MYO6: variants seen among roughly 807,000 people sequenced by gnomAD.
The protein encoded by MYO6 is myosin VI, also known as unconventional myosin-VI.
MYO6 carries 74 observed loss-of-function variants against 178.7 expected under a neutral mutation model. The observed-to-expected ratio is 0.41, with a 90% CI of 0.34 to 0.50. The LOEUF is 0.50. Among genes scored for constraint, MYO6 ranks in the 20% least tolerant of loss-of-function variants. The pLI, the probability that MYO6 is intolerant of heterozygous loss-of-function variation, is 0.09. For missense variants in MYO6, 1,330 were observed against 1,547.4 expected (o/e 0.86, Z 2.36); for synonymous variants, 477 against 504.6 (o/e 0.95, Z 0.73).
chr6:75,830,026 G>A (rs1228032952), intron 4 of MYO6, among the ~76,000 whole-genome samples: 1 of 152,182 alleles, frequency 6.6e-6, no homozygotes, highest in African/African-American at 2.4e-5. Context: ...CATAAGTAGA[G>A]TCAACAGGAG....
intron 7 of MYO6, among the ~76,000 whole-genome samples, chr6:75,839,021 C>G (rs1773939859): frequency 6.6e-6 from 1 of 151,554 alleles, no homozygotes; most frequent in Non-Finnish European, 1.5e-5. Context: ...GTTAATATTT[C>G]TTTTAGTTTT....
intron 1 of MYO6, among the ~76,000 whole-genome samples, chr6:75,787,716 C>A (rs867857681): frequency 1.4e-4 from 7 of 51,658 alleles, no homozygotes; most frequent in South Asian, 6.5e-4. Flanking sequence ...CTCTCTCTCT[C>A]TCTCTCTCTC....
intron 30 of MYO6, among the ~76,000 whole-genome samples, chr6:75,901,766 A>G (rs942187016): frequency 2.6e-5 from 4 of 152,250 alleles, no homozygotes; most frequent in South Asian, 4.1e-4. Context: ...ACTATGTTGA[A>G]TAGGAGTGGT....
chr6:75,861,937 C>G (rs1375729322), intron 15 of MYO6, among the ~76,000 whole-genome samples: 1 of 152,132 alleles, frequency 6.6e-6, no homozygotes, highest in Admixed American at 6.5e-5. Flanking sequence ...CATGCTACAT[C>G]TATCAAAATA....
At chr6:75,787,676 TTCTCTCTCTC>T (rs765565236) in intron 1 of MYO6, among the ~76,000 whole-genome samples, 520 of 24,876 alleles carry the variant, frequency 0.021, 11 homozygotes, top group African/African-American at 0.032. Flanking sequence ...AATGGAACTA[TTCTCTCTCTC>T]TCTCTCTCTC....
chr6:75,859,299 C>T, intron 14 of MYO6, among the ~76,000 whole-genome samples: 1 of 151,664 alleles, frequency 6.6e-6, no homozygotes. Flanking sequence ...TTTGTTGTCT[C>T]TACTTCTTTT....
intron 6 of MYO6, among the ~76,000 whole-genome samples, chr6:75,835,347 G>A (rs545922439): frequency 1.8e-4 from 27 of 152,082 alleles, no homozygotes; most frequent in Non-Finnish European, 3.5e-4. Context: ...ACATGTGCAG[G>A]TTTGTTATGA....
At chr6:75,859,767 C>T (rs1776042705) in intron 14 of MYO6, among the ~76,000 whole-genome samples, 1 of 150,704 alleles carries the variant, frequency 6.6e-6, no homozygotes, top group South Asian at 2.1e-4. Flanking sequence ...TCAAGCGATT[C>T]TCCTGCCTCA....
chr6:75,878,532 T>C (rs868552808), intron 20 of MYO6, among the ~76,000 whole-genome samples: 11 of 152,248 alleles, frequency 7.2e-5, no homozygotes, highest in Non-Finnish European at 1.3e-4. Context: ...CTAGTTGTTA[T>C]CTTATACCTT....
chr6:75,809,785 C>G (rs80324722), intron 1 of MYO6, among the ~76,000 whole-genome samples: 1 of 151,100 alleles, frequency 6.6e-6, no homozygotes, highest in Admixed American at 6.6e-5. Flanking sequence ...GATGTCAGCC[C>G]GGCGTGCTGG....
intron 7 of MYO6, among the ~76,000 whole-genome samples, chr6:75,839,372 T>C (rs1426268723): frequency 6.6e-6 from 1 of 151,884 alleles, no homozygotes; most frequent in African/African-American, 2.4e-5. Context: ...ATATTTTTAG[T>C]AGAGACGGGG....
intron 30 of MYO6, among the ~76,000 whole-genome samples, chr6:75,902,612 C>A (rs1469122059): frequency 6.6e-6 from 1 of 152,050 alleles, no homozygotes; most frequent in Non-Finnish European, 1.5e-5. Context: ...TGATTCTTCT[C>A]TCTTTTTTTC....
intron 1 of MYO6, among the ~76,000 whole-genome samples, chr6:75,789,472 G>A (rs1257093082): frequency 2.0e-5 from 3 of 151,956 alleles, no homozygotes; most frequent in East Asian, 1.9e-4. Flanking sequence ...GAATTATACC[G>A]TATTATAATT....
intron 30 of MYO6, among the ~76,000 whole-genome samples, chr6:75,905,957 C>G (rs531877002): frequency 2.6e-5 from 4 of 152,314 alleles, no homozygotes; most frequent in African/African-American, 7.2e-5. Flanking sequence ...GACATATTCT[C>G]AGACATCATT....
At chr6:75,911,802 G>A in intron 33 of MYO6, 104 bp downstream of exon 33, 2 of 1,077,580 alleles carry the variant, frequency 1.9e-6, no homozygotes, top group Non-Finnish European at 2.9e-6. Context: ...ATTTTCAGTG[G>A]AATTGTAGTG....
At chr6:75,873,322 G>C (rs1389285040) in intron 20 of MYO6, 22 bp downstream of exon 20, 7 of 1,527,850 alleles carry the variant, frequency 4.6e-6, no homozygotes, top group Non-Finnish European at 6.4e-6. Flanking sequence ...ATCTCTGTCA[G>C]TGTGTGTTAG....
chr6:75,832,627 A>T (rs917321698), intron 5 of MYO6, among the ~76,000 whole-genome samples: 1 of 152,208 alleles, frequency 6.6e-6, no homozygotes, highest in Non-Finnish European at 1.5e-5. Flanking sequence ...TTTGGATTTC[A>T]TATTACTTAA....
intron 1 of MYO6, among the ~76,000 whole-genome samples, chr6:75,750,079 G>A (rs947357733): frequency 2.7e-5 from 4 of 149,222 alleles, no homozygotes; most frequent in Non-Finnish European, 4.4e-5. Flanking sequence ...TTTCCATACA[G>A]TTTAAAAAAT....
At chr6:75,781,529 C>T (rs776429615) in intron 1 of MYO6, among the ~76,000 whole-genome samples, 5 of 152,110 alleles carry the variant, frequency 3.3e-5, no homozygotes, top group Admixed American at 6.6e-5. Context: ...GGAGTTGACA[C>T]GTTGATCTCT....
Sources: allele counts gnomAD v4.1 joint callset (sites outside exome capture counted in the v4.1 genomes callset), GRCh38; gene constraint gnomAD v4.1.1; transcripts MANE v1.5; gene names NCBI Gene and HGNC (gene_info 2026-07-23, HGNC 2026-07-21).